The following XPO1 variants were observed in gnomAD, a reference collection of about 807,000 sequenced individuals.
The protein encoded by XPO1 is exportin 1.
Under a neutral mutation model 133.3 loss-of-function variants are expected in XPO1, and 5 were observed. The observed-to-expected ratio is 0.04, with a 90% CI of 0.02 to 0.08. The LOEUF (loss-of-function observed/expected upper bound fraction) is 0.08. Ranked by LOEUF, XPO1 falls within the 10% of genes least tolerant of loss-of-function variation. The pLI is 1.00. For synonymous variants in XPO1, 419 were observed against 408.2 expected, an observed-to-expected ratio of 1.03 and a Z score of -0.32; for missense variants, 506 against 1,267.5, an observed-to-expected ratio of 0.40 and a Z score of 9.12.
chr2:61,530,573 A>T (rs1292502533), intron 2 of XPO1, among the ~76,000 whole-genome samples: 1 of 152,130 alleles, frequency 6.6e-6, no homozygotes, highest in Non-Finnish European at 1.5e-5. Context: ...TTGGCTAAAA[A>T]TAGAAAAATG....
chr2:61,520,875 G>A (rs1698657585), intron 4 of XPO1, among the ~76,000 whole-genome samples: 1 of 152,054 alleles, frequency 6.6e-6, no homozygotes, highest in Admixed American at 6.6e-5. Flanking sequence ...TCTTGGTACG[G>A]CAGACCATGG....
chr2:61,496,933 T>C lies in XPO1; in HGVS notation c.834A>G (p.Gln278=). ...LTEIAGVSVS[Q]YEEQFVTLFT... ...ATAGTGTTACAAATTGTTCTTCATA[T>C]TGGCTTACACTCACACCAGCAATCT... The change falls in exon 10 of 25, where the codon CAA becomes CAG. Residue 278 remains glutamine (Q), a synonymous_variant. Coordinates refer to ENST00000401558, the MANE Select transcript of XPO1 (RefSeq NM_003400.4). 1 of 1,612,958 alleles carries C rather than the reference T, an allele frequency of 6.2e-7. No individual in the cohort carries two copies. Among genetic ancestry groups the C allele is most frequent in the Middle Eastern group, 1.7e-4 (1 of 6,054 alleles).
intron 9 of XPO1, among the ~76,000 whole-genome samples, chr2:61,497,670 A>G (rs1697308018): frequency 6.6e-6 from 1 of 152,212 alleles, no homozygotes; most frequent in Non-Finnish European, 1.5e-5. Flanking sequence ...CAATGTATCT[A>G]AGAGTAATAA....
intron 22 of XPO1, 21 bp from the exon 23 acceptor site, chr2:61,482,560 A>AT (rs1696439526): frequency 1.9e-6 from 3 of 1,551,638 alleles, no homozygotes; most frequent in Non-Finnish European, 2.6e-6. Context: ...GAAGAAAATT[A>AT]TTAACTCCAA....
intron 4 of XPO1, among the ~76,000 whole-genome samples, chr2:61,513,192 G>A (rs1558661046): frequency 6.6e-6 from 1 of 151,666 alleles, no homozygotes; most frequent in East Asian, 1.9e-4. Context: ...CCTGGCAGTC[G>A]GGATTACAGG....
At chr2:61,532,997 G>A (rs1323226849) in intron 2 of XPO1, among the ~76,000 whole-genome samples, 4 of 151,670 alleles carry the variant, frequency 2.6e-5, no homozygotes, top group East Asian at 3.9e-4. Context: ...TGGCCAACAC[G>A]GTGAAACCCC....
In XPO1 at chr2:61,498,745, C is replaced by T; in HGVS notation, c.687G>A (p.Leu229=). 1 of 1,614,006 alleles carries T rather than the reference C, an allele frequency of 6.2e-7. No individual in the cohort carries two copies. The highest frequency in any genetic ancestry group is 8.5e-7 in the Non-Finnish European group (1 of 1,179,980). Residue 229 remains leucine (L), a synonymous_variant, in exon 9 of 25, where the codon TTG becomes TTA. Transcript: ENST00000401558. ...APLVHATLET[L]LRFLNWIPLG... is the part of the protein sequence containing the mutation. The stretch of plus-strand genomic sequence containing the variant: ...GGGGAATCCAGTTCAGAAATCTGAG[C>T]AATGTTTCCAAGGTTGCATGTACAA...
chr2:61,507,816 A>G (rs1697902216), intron 4 of XPO1, among the ~76,000 whole-genome samples: 1 of 152,048 alleles, frequency 6.6e-6, no homozygotes, highest in Non-Finnish European at 1.5e-5. Flanking sequence ...AGGTGGAGAA[A>G]GAGAAGAGAA....
intron 1 of XPO1, among the ~76,000 whole-genome samples, 190 bp downstream of exon 1, chr2:61,537,372 A>G (rs1371709886): frequency 6.7e-6 from 1 of 150,350 alleles, no homozygotes; most frequent in African/African-American, 2.4e-5. Context: ...CCCCGCCTCC[A>G]TCCCCCAGCG....
chr2:61,510,139 T>C (rs535060345), intron 4 of XPO1, among the ~76,000 whole-genome samples: 135 of 152,196 alleles, frequency 8.9e-4, no homozygotes, highest in African/African-American at 3.0e-3. Flanking sequence ...TAGCCAGGCA[T>C]GGTGGTGCAC....
intron 11 of XPO1, 48 bp from the exon 12 acceptor site, chr2:61,494,139 C>A: frequency 6.5e-7 from 1 of 1,532,716 alleles, no homozygotes; most frequent in Non-Finnish European, 8.9e-7. Flanking sequence ...ACATTACCAA[C>A]TTCAAATTGC....
chr2:61,494,296 A>G, intron 11 of XPO1: 1 of 484,192 alleles, frequency 2.1e-6, no homozygotes, highest in Non-Finnish European at 3.7e-6. Context: ...AATCTCTCAC[A>G]TAGTAGTTGA....
At chr2:61,532,222 G>C (rs994443999) in intron 2 of XPO1, among the ~76,000 whole-genome samples, 1 of 152,036 alleles carries the variant, frequency 6.6e-6, no homozygotes, top group Non-Finnish European at 1.5e-5. Flanking sequence ...CCGCCTCCCG[G>C]GTTCACGCCA....
At chr2:61,530,191 G>A (rs1229375865) in intron 2 of XPO1, among the ~76,000 whole-genome samples, 1 of 152,190 alleles carries the variant, frequency 6.6e-6, no homozygotes, top group Non-Finnish European at 1.5e-5. Context: ...ATGCTTTGAA[G>A]TGATAAGCAT....
intron 4 of XPO1, among the ~76,000 whole-genome samples, chr2:61,515,940 CACACACA>C (rs1205251482): frequency 4.0e-5 from 2 of 49,474 alleles, no homozygotes; most frequent in African/African-American, 9.6e-5. Flanking sequence ...AAAAAAACCA[CACACACA>C]CACACACACA....
At chr2:61,505,645 G>A (rs1192814403) in intron 4 of XPO1, among the ~76,000 whole-genome samples, 4 of 152,006 alleles carry the variant, frequency 2.6e-5, no homozygotes, top group African/African-American at 9.7e-5. Context: ...TGCAACCTCT[G>A]CCTTCCAGGT....
intron 11 of XPO1, 82 bp downstream of exon 11, chr2:61,495,373 C>A: frequency 9.2e-7 from 1 of 1,091,716 alleles, no homozygotes. Flanking sequence ...TCAAAAGGTA[C>A]ATACATTTTA....
intron 2 of XPO1, among the ~76,000 whole-genome samples, chr2:61,527,982 A>G (rs956931122): frequency 6.6e-6 from 1 of 151,056 alleles, no homozygotes; most frequent in Non-Finnish European, 1.5e-5. Context: ...GCTGGAGTGC[A>G]ATGGCAGGAT....
At chr2:61,487,337 A>C (rs561303018) in intron 19 of XPO1, among the ~76,000 whole-genome samples, 30 of 152,298 alleles carry the variant, frequency 2.0e-4, no homozygotes, top group African/African-American at 7.2e-4. Context: ...CCTTCAATAC[A>C]TCTTACTTTC....
Sources: allele counts gnomAD v4.1 joint callset (sites outside exome capture counted in the v4.1 genomes callset), GRCh38; gene constraint gnomAD v4.1.1; transcripts MANE v1.5; gene names NCBI Gene and HGNC (gene_info 2026-07-23, HGNC 2026-07-21).